The following STAG2 variants were observed in gnomAD, a reference collection of about 807,000 sequenced individuals.
The protein encoded by STAG2 is cohesin subunit SA-2.
In STAG2, 14 loss-of-function variants were observed where a neutral mutation model predicts 108.1. That is an observed-to-expected ratio of 0.13 (90% CI 0.09 to 0.20). The LOEUF is 0.20. STAG2 is among the 10% of genes least tolerant of loss of function. The pLI is 1.00. For synonymous variants in STAG2, 307 were observed against 302.7 expected, an observed-to-expected ratio of 1.01 and a Z score of -0.15; for missense variants, 440 against 940.9, an observed-to-expected ratio of 0.47 and a Z score of 6.96.
At chrX:124,009,443 G>GTAGGTAGGTAGATAGATAGATAGA (rs1556479689) in intron 1 of STAG2, among the ~76,000 whole-genome samples, 2 of 63,596 alleles carry the variant, frequency 3.1e-5, no homozygotes, top group East Asian at 1.2e-3. Context: ...AGGTAGGTAG[G>GTAGGTAGGTAGATAGATAGATAGA]TAGATAGATA....
At position 124,078,326 on chromosome X, in the gene STAG2, C is replaced by G. The variant is rs1200317010; in HGVS notation, c.2775+268C>G. 2.7e-5 allele frequency among the ~76,000 whole-genome samples: 3 copies of G among 110,755 alleles called. No homozygotes were observed. The Admixed American group carries it at 2.9e-4, about 11-fold the overall frequency. On this transcript the variant is annotated intron_variant, in intron 27 of 34. Transcript: ENST00000371145. Reference sequence around the variant, plus strand: ...ATAATGTGTATGCCATTTGAGGCAGCAATTCTACTTTTTAAATCTACTCTT... The same window carrying G: ...ATAATGTGTATGCCATTTGAGGCAGGAATTCTACTTTTTAAATCTACTCTT...
chrX:124,068,137 T>C (rs768621697), intron 23 of STAG2, among the ~76,000 whole-genome samples: 1 of 112,264 alleles, frequency 8.9e-6, no homozygotes, highest in East Asian at 2.8e-4. Context: ...AATACAGCAG[T>C]ATCCTTCCAA....
intron 25 of STAG2, among the ~76,000 whole-genome samples, chrX:124,074,050 T>C (rs1177617468): frequency 3.6e-5 from 4 of 112,482 alleles, no homozygotes; most frequent in African/African-American, 1.3e-4. Context: ...GTAAATGATA[T>C]TAGGTTGAAC....
intron 7 of STAG2, among the ~76,000 whole-genome samples, chrX:124,043,931 G>T (rs2057797289): frequency 9.0e-6 from 1 of 111,428 alleles, no homozygotes; most frequent in Admixed American, 9.6e-5. Flanking sequence ...CTGTATTTCA[G>T]CACCAGTACT....
At chrX:123,976,045 G>T (rs551439358) in intron 1 of STAG2, among the ~76,000 whole-genome samples, 1 of 112,077 alleles carries the variant, frequency 8.9e-6, no homozygotes, top group African/African-American at 3.2e-5. Context: ...AACACTTTGG[G>T]AGGCAGAGGT....
At chrX:124,065,800 T>C in intron 20 of STAG2, 76 bp from the exon 21 acceptor site, 1 of 712,308 alleles carries the variant, frequency 1.4e-6, no homozygotes, top group Admixed American at 3.9e-5. Context: ...TTTTCATTTT[T>C]CAAGGTAATA....
At chrX:124,090,459 G>T in intron 30 of STAG2, 116 bp from the exon 31 acceptor site, 1 of 622,121 alleles carries the variant, frequency 1.6e-6, no homozygotes, top group Non-Finnish European at 2.6e-6. Context: ...TGTGTCCCCC[G>T]TTCCTGTGAC....
At chrX:124,058,391 C>G (rs758988950) in intron 15 of STAG2, among the ~76,000 whole-genome samples, 3 of 111,991 alleles carry the variant, frequency 2.7e-5, no homozygotes, top group Admixed American at 9.5e-5. Context: ...CTCAGGTGAT[C>G]CGCCTGCCTT....
intron 20 of STAG2, 132 bp from the exon 21 acceptor site, chrX:124,065,744 C>A: frequency 5.1e-6 from 2 of 392,524 alleles, no homozygotes; most frequent in Non-Finnish European, 8.2e-6. Flanking sequence ...TTGGCCAGAT[C>A]TAGGTATTGA....
At chrX:123,968,177 G>T (rs1431151335) in intron 1 of STAG2, among the ~76,000 whole-genome samples, 3 of 111,909 alleles carry the variant, frequency 2.7e-5, no homozygotes, top group Non-Finnish European at 5.6e-5. Flanking sequence ...GGGATTACAG[G>T]CATGAGCCAC....
chrX:124,079,683 T>C (rs2058900921), intron 27 of STAG2, among the ~76,000 whole-genome samples: 1 of 112,174 alleles, frequency 8.9e-6, no homozygotes, highest in African/African-American at 3.2e-5. Flanking sequence ...AAAAAATAAC[T>C]TTTGCTATAA....
intron 28 of STAG2, among the ~76,000 whole-genome samples, chrX:124,082,037 G>A (rs541457664): frequency 1.8e-5 from 2 of 112,132 alleles, no homozygotes; most frequent in African/African-American, 6.5e-5. Context: ...CCGTTTATAA[G>A]CCTTTGTTTA....
chrX:124,043,275 C>G (rs1183844780), intron 7 of STAG2, among the ~76,000 whole-genome samples: 1 of 107,767 alleles, frequency 9.3e-6, no homozygotes. Flanking sequence ...ATTACAGGCA[C>G]CCACCACCAC....
intron 33 of STAG2, among the ~76,000 whole-genome samples, chrX:124,095,119 G>A (rs1309638521): frequency 5.4e-5 from 6 of 111,574 alleles, no homozygotes; most frequent in Admixed American, 4.8e-4. Flanking sequence ...AGTAGAGGCC[G>A]GGTTTCACCG....
At chrX:123,983,400 C>CAT (rs2054983392) in intron 1 of STAG2, among the ~76,000 whole-genome samples, 1 of 111,406 alleles carries the variant, frequency 9.0e-6, no homozygotes, top group Non-Finnish European at 1.9e-5. Flanking sequence ...TGCTAAGTTG[C>CAT]ATTCAGTGGA....
chrX:124,003,978 C>G (rs1305880244), intron 1 of STAG2, among the ~76,000 whole-genome samples: 1 of 111,434 alleles, frequency 9.0e-6, no homozygotes, highest in African/African-American at 3.3e-5. Flanking sequence ...TTTGCTTTAA[C>G]TTTTTTATGG....
Position 124,066,451 on chromosome X carries a change from A to G in STAG2, c.2265+15A>G. On this transcript the variant is annotated intron_variant, in intron 23 of 34. Coordinates refer to ENST00000371145, the MANE Select transcript of STAG2 (RefSeq NM_001042750.2). The stretch of plus-strand genomic sequence containing the variant: ...GCTCTACAAAGGTTTGTGGTGGTTC[A>G]GTAGTGTTTTTATTAGACTAAATAT... The G allele has an allele frequency of 8.7e-7, 1 of 1,155,439 alleles. No individual in the cohort carries two copies. The highest frequency in any genetic ancestry group is 1.9e-5 in the South Asian group (1 of 53,996).
chrX:123,962,097 C>G (rs897065579), intron 1 of STAG2: 1 of 111,546 alleles, frequency 9.0e-6, no homozygotes, highest in African/African-American at 3.3e-5. Context: ...TGAGCTGATC[C>G]TTGCCCCAGG....
At position 124,088,614 on chromosome X, in the gene STAG2, T is replaced by TC. The variant is rs770918642; in HGVS notation, c.3277+1845dup. ...TACACACATTTGCAAATATGTATAA[T>TC]CTTTTTTTTTTTTTTTTTTGATGGA... On this transcript the variant is annotated intron_variant, in intron 30 of 34. Coordinates refer to ENST00000371145, the MANE Select transcript of STAG2 (RefSeq NM_001042750.2). Among the ~76,000 whole-genome samples the TC allele has an allele frequency of 1.2e-3, 79 of 66,301 alleles. No homozygotes were observed. The East Asian group carries it at 0.014, about 12-fold the overall frequency. The allele number at this position is 66,301 out of a possible 115,157, so 57.6% of individuals were successfully genotyped here. A position where few individuals can be genotyped will look rare whatever the true frequency, so the allele number is the denominator to read the frequency against.
Sources: gnomAD v4.1 joint callset for allele counts (sites outside exome capture counted in the v4.1 genomes callset) on GRCh38, gnomAD v4.1.1 for gene constraint, MANE v1.5 for transcripts, NCBI Gene and HGNC (gene_info 2026-07-23, HGNC 2026-07-21) for gene names.